The following OBI1 variants were observed in gnomAD, a reference collection of about 807,000 sequenced individuals.
OBI1 encodes the protein ORC ubiquitin ligase 1.
In OBI1, 59 loss-of-function variants were observed where a neutral mutation model predicts 62.4. That is an observed-to-expected ratio of 0.95 (90% CI 0.77 to 1.17). The LOEUF (loss-of-function observed/expected upper bound fraction) is 1.17, where lower values mean the gene tolerates loss of function less well. Among genes scored for constraint, OBI1 ranks in the 50% most tolerant of loss-of-function variants. The probability of loss-of-function intolerance (pLI) is 0.00; values close to 1 mark genes in which losing one functional copy is unlikely to be tolerated. For synonymous variants in OBI1, 302 were observed against 292.8 expected, an observed-to-expected ratio of 1.03 and a Z score of -0.32; for missense variants, 875 against 830.9, an observed-to-expected ratio of 1.05 and a Z score of -0.65.
chr13:78,658,137 ATC>A (rs1876764571), intron 1 of OBI1, among the ~76,000 whole-genome samples: 2 of 152,314 alleles, frequency 1.3e-5, no homozygotes, highest in South Asian at 4.1e-4. Flanking sequence ...TATTTCTCAA[ATC>A]TGAGTCTACG....
chr13:78,641,351 A>C (rs1876210493), intron 3 of OBI1, among the ~76,000 whole-genome samples: 1 of 152,210 alleles, frequency 6.6e-6, no homozygotes, highest in Non-Finnish European at 1.5e-5. Context: ...ACATATATTC[A>C]ATCATGTATT....
At chr13:78,617,337 G>A (rs1875345220) in intron 5 of OBI1, 2 of 424,164 alleles carry the variant, frequency 4.7e-6, no homozygotes, top group Non-Finnish European at 8.3e-6. Flanking sequence ...AAACCTAATA[G>A]GATATTTTTG....
intron 5 of OBI1, among the ~76,000 whole-genome samples, chr13:78,632,338 A>C (rs1460682387): frequency 1.3e-5 from 2 of 152,154 alleles, no homozygotes; most frequent in African/African-American, 4.8e-5. Flanking sequence ...CTGTGGGAAA[A>C]TAAATCTGTT....
chr13:78,658,920 C>T, intron 1 of OBI1, 129 bp downstream of exon 1: 1 of 719,238 alleles, frequency 1.4e-6, no homozygotes, highest in Admixed American at 2.3e-5. Flanking sequence ...CCATCAAGAA[C>T]GCGGGTTAGC....
intron 2 of OBI1, among the ~76,000 whole-genome samples, chr13:78,644,458 C>T (rs1876323020): frequency 6.6e-6 from 1 of 151,960 alleles, no homozygotes; most frequent in Admixed American, 6.6e-5. Flanking sequence ...GCAGGAAATG[C>T]CCTCCTTAAT....
In OBI1 at chr13:78,657,128, T is replaced by C. The variant is rs149437993; in HGVS notation, c.72+1921A>G. 3.3e-3 allele frequency among the ~76,000 whole-genome samples: 497 copies of C among 152,282 alleles called. 2 individuals are homozygous for C. Among genetic ancestry groups the C allele is most frequent in the African/African-American group, 0.011 (470 of 41,554 alleles). On this transcript the variant is annotated intron_variant, in intron 1 of 5. Transcript: ENST00000282003. ...TTCCTTATCTGTAACAGTAGAAATA[T>C]GGTAATAACATCAACTCCCCATCCT...
intron 5 of OBI1, among the ~76,000 whole-genome samples, chr13:78,624,584 C>T (rs1328144727): frequency 1.3e-5 from 2 of 152,154 alleles, no homozygotes; most frequent in African/African-American, 4.8e-5. Flanking sequence ...GTGTGTTTAT[C>T]TTATTAAACC....
intron 1 of OBI1, among the ~76,000 whole-genome samples, chr13:78,651,360 G>C (rs1490882500): frequency 1.3e-5 from 2 of 152,160 alleles, no homozygotes; most frequent in Admixed American, 6.5e-5. Context: ...CTACAAAACA[G>C]TAATGATTTT....
chr13:78,625,509 CAAAG>C (rs1391361572), intron 5 of OBI1, among the ~76,000 whole-genome samples: 3 of 152,168 alleles, frequency 2.0e-5, no homozygotes, highest in Non-Finnish European at 2.9e-5. Context: ...AGAAGGAAAA[CAAAG>C]GAAGTAGAAG....
chr13:78,649,329 T>C (rs547412411), intron 1 of OBI1, among the ~76,000 whole-genome samples: 176 of 152,220 alleles, frequency 1.2e-3, no homozygotes, highest in African/African-American at 4.0e-3. Context: ...GAAAGGAGAA[T>C]ATGATATCAC....
chr13:78,635,879 C>A (rs1876014306), intron 4 of OBI1, among the ~76,000 whole-genome samples: 1 of 152,166 alleles, frequency 6.6e-6, no homozygotes, highest in Admixed American at 6.5e-5. Flanking sequence ...TCTCCTGTCT[C>A]AGCCTCCCGA....
At chr13:78,651,864 T>C (rs1876554394) in intron 1 of OBI1, among the ~76,000 whole-genome samples, 1 of 152,192 alleles carries the variant, frequency 6.6e-6, no homozygotes, top group African/African-American at 2.4e-5. Flanking sequence ...GCAAGATTAA[T>C]AAAAGTGAAT....
chr13:78,650,743 C>CAA (rs749761411), intron 1 of OBI1, among the ~76,000 whole-genome samples: 12 of 128,520 alleles, frequency 9.3e-5, no homozygotes, highest in African/African-American at 2.3e-4. Context: ...AGCAATCCCT[C>CAA]AAAAAAAAAA....
At chr13:78,642,830 T>G (rs534638298) in intron 2 of OBI1, among the ~76,000 whole-genome samples, 18 of 151,840 alleles carry the variant, frequency 1.2e-4, no homozygotes, top group Non-Finnish European at 2.5e-4. Flanking sequence ...GAGCTTGCAG[T>G]GAGCCGAGAT....
chr13:78,616,917 T>C lies in OBI1; in HGVS notation c.844A>G (p.Ser282Gly), dbSNP rs755511308. 5 of 1,614,158 alleles carry C rather than the reference T, an allele frequency of 3.1e-6. No individual in the cohort carries two copies. In the East Asian group the frequency reaches 1.1e-4, roughly 36 times the overall value. ...QTALSADGKGSKGSEEDVVSK... is the reference protein window; with the variant it reads ...QTALSADGKGGKGSEEDVVSK... ...ACCACATCCTCCTCACTGCCTTTGC[T>C]CCCTTTGCCATCTGCAGAAAGTGCT... Residue 282 changes from serine (S) to glycine (G), a missense_variant, in exon 6 of 6, where the codon AGC becomes GGC. Ser to Gly is a moderately conservative substitution (Grantham distance 56, BLOSUM62 0). Coordinates refer to ENST00000282003, the MANE Select transcript of OBI1 (RefSeq NM_024546.4).
rs41288266 is a variant in OBI1 at position 78,616,822 on chromosome 13, C to T, written c.939G>A (p.Ala313=). ...CACACAGTCTGCTGCTGGAAGGCTT[C>T]GCTAGGTGAGAAGAACTGGAGGTGG... ...GSSTSSSSHL[A]KPSSSRLCDT... is the part of the protein sequence containing the mutation. Residue 313 remains alanine (A), a synonymous_variant, in exon 6 of 6, where the codon GCG becomes GCA. Coordinates refer to ENST00000282003, the MANE Select transcript of OBI1 (RefSeq NM_024546.4). The T allele has an allele frequency of 2.3e-3, 3,709 of 1,614,164 alleles. 4 individuals carry two copies. The highest frequency in any genetic ancestry group is 2.9e-3 in the Non-Finnish European group (3,463 of 1,180,018).
At chr13:78,626,819 G>A (rs1875682025) in intron 5 of OBI1, among the ~76,000 whole-genome samples, 1 of 152,164 alleles carries the variant, frequency 6.6e-6, no homozygotes, top group Non-Finnish European at 1.5e-5. Flanking sequence ...TGTAATCCCA[G>A]ACTTTGGGAG....
chr13:78,644,778 G>T, intron 2 of OBI1, 84 bp downstream of exon 2: 1 of 1,422,480 alleles, frequency 7.0e-7, no homozygotes, highest in Non-Finnish European at 9.9e-7. Flanking sequence ...ACTGAAAATA[G>T]CCTATTTCAG....
At chr13:78,656,567 A>G (rs1367353821) in intron 1 of OBI1, among the ~76,000 whole-genome samples, 1 of 151,592 alleles carries the variant, frequency 6.6e-6, no homozygotes. Flanking sequence ...GGGCAACAAG[A>G]GCGAAACTCC....
Sources: allele counts gnomAD v4.1 joint callset (sites outside exome capture counted in the v4.1 genomes callset), GRCh38; gene constraint gnomAD v4.1.1; transcripts MANE v1.5; gene names NCBI Gene and HGNC (gene_info 2026-07-23, HGNC 2026-07-21).